The following TMEM167B variants were observed in gnomAD, a reference collection of about 807,000 sequenced individuals.
TMEM167B encodes the protein transmembrane protein 167B.
Under a neutral mutation model 9.4 loss-of-function variants are expected in TMEM167B, and 2 were observed. The ratio of observed to expected loss-of-function variants is 0.21; its 90% CI spans 0.09 to 0.67. TMEM167B has a LOEUF of 0.67. TMEM167B is among the 30% of genes least tolerant of loss of function. TMEM167B has a pLI of 0.82. For missense variants in TMEM167B, 68 were observed against 87.6 expected, an observed-to-expected ratio of 0.78 and a Z score of 0.89; for synonymous variants, 28 against 32.0, an observed-to-expected ratio of 0.87 and a Z score of 0.42.
chr1:109,090,909 G>A (rs1171494882), intron 1 of TMEM167B, 27 bp downstream of exon 1: 2 of 1,581,790 alleles, frequency 1.3e-6, no homozygotes, highest in Non-Finnish European at 1.7e-6. Flanking sequence ...TGAGCGGAGG[G>A]TGGGAGTGAA....
At position 109,090,768 on chromosome 1, in the gene TMEM167B, C is replaced by T; in HGVS notation, c.-105C>T. 1.4e-6 allele frequency: 2 copies of T among 1,429,968 alleles called. No individual in the cohort carries two copies. Among genetic ancestry groups the T allele is most frequent in the Non-Finnish European group, 1.9e-6 (2 of 1,036,402 alleles). 88.6% of individuals were successfully genotyped at this position (1,429,968 alleles called of 1,614,324 possible). On this transcript the variant is annotated 5_prime_UTR_variant, in exon 1 of 3. Transcript: ENST00000338272. Reference sequence around the variant, plus strand: ...TGCTCCTGCGTACTACGGCTTCTTCCAGTCACCTCGGCCCGGATCGGGAAG... The same window carrying T: ...TGCTCCTGCGTACTACGGCTTCTTCTAGTCACCTCGGCCCGGATCGGGAAG...
At chr1:109,090,991 C>T (rs1664435537) in intron 1 of TMEM167B, 109 bp downstream of exon 1, 2 of 1,331,188 alleles carry the variant, frequency 1.5e-6, no homozygotes, top group Middle Eastern at 2.3e-4. Flanking sequence ...CCCAGCCCGG[C>T]CCCCCTTGGC....
chr1:109,093,198 A>C, intron 2 of TMEM167B, 177 bp downstream of exon 2: 2 of 955,536 alleles, frequency 2.1e-6, no homozygotes, highest in South Asian at 3.4e-5. Context: ...GGAAGAGGTA[A>C]AAGTTAAAAT....
At chr1:109,091,742 C>T (rs901114216) in intron 1 of TMEM167B, 2 of 152,126 alleles carry the variant, frequency 1.3e-5, no homozygotes, top group African/African-American at 4.8e-5. Flanking sequence ...AGGGGTAGCA[C>T]GTGAAGGTAT....
At chr1:109,091,350 A>G (rs1056878958) in intron 1 of TMEM167B, among the ~76,000 whole-genome samples, 1 of 152,194 alleles carries the variant, frequency 6.6e-6, no homozygotes, top group African/African-American at 2.4e-5. Flanking sequence ...GCTTCTTCTT[A>G]CGGAAAAATA....
intron 2 of TMEM167B, 183 bp downstream of exon 2, chr1:109,093,204 A>G: frequency 1.1e-6 from 1 of 873,040 alleles, no homozygotes; most frequent in Non-Finnish European, 1.7e-6. Context: ...GGTAAAAGTT[A>G]AAATTTGCTG....
At position 109,092,666 on chromosome 1, in the gene TMEM167B, G is replaced by A. The variant is rs538441335; in HGVS notation, c.11-224G>A. ...AGTTCATTGCAGCCTCGAACTCCTG[G>A]GCTCAATTGATCCCCCTTCCTCCTA... On this transcript the variant is annotated intron_variant, in intron 1 of 2. Coordinates refer to ENST00000338272, the MANE Select transcript of TMEM167B (RefSeq NM_020141.4). Among the ~76,000 whole-genome samples, 83 of 152,130 alleles carry A rather than the reference G, an allele frequency of 5.5e-4. 1 individual carries two copies. Among genetic ancestry groups the A allele is most frequent in the African/African-American group, 1.9e-3 (79 of 41,484 alleles).
chr1:109,093,806 A>T (rs1226893557), intron 2 of TMEM167B: 1 of 152,274 alleles, frequency 6.6e-6, no homozygotes, highest in African/African-American at 2.4e-5. Flanking sequence ...CAAACAGTAT[A>T]TTCACCTAGA....
chr1:109,090,807 C>G lies in TMEM167B; in HGVS notation c.-66C>G. ...CGGATCGGGAAGTGTCAAGCGGGCG[C>G]TCCCCCATCTCCGCCGCTATTACCA... On this transcript the variant is annotated 5_prime_UTR_variant, in exon 1 of 3. Transcript: ENST00000338272. 1 of 1,553,628 alleles carries G rather than the reference C, an allele frequency of 6.4e-7. No homozygotes were observed. The highest frequency in any genetic ancestry group is 8.7e-7 in the Non-Finnish European group (1 of 1,146,840).
In TMEM167B at chr1:109,094,539, A is replaced by G. The variant is rs780021618; in HGVS notation, c.*40A>G. 1.9e-6 allele frequency: 3 copies of G among 1,599,496 alleles called. No individual in the cohort carries two copies. The highest frequency in any genetic ancestry group is 2.6e-6 in the Non-Finnish European group (3 of 1,167,984). On this transcript the variant is annotated 3_prime_UTR_variant, in exon 3 of 3. Transcript: ENST00000338272. ...AAGTCATCAACTGCCAACCAAGGGG[A>G]CGGGGATGAAGAACCTGTTGGAGAC...
rs187312591 is a variant in TMEM167B, at chr1:109,095,478, G to A, written c.*979G>A. On this transcript the variant is annotated 3_prime_UTR_variant, in exon 3 of 3. Transcript: ENST00000338272. ...TTCATCTAGTATAAGAACTTGTGAT[G>A]TTAGATTGAAGTTTTGTCATCTTAT... The A allele has an allele frequency of 1.3e-5, 2 of 152,150 alleles. No homozygotes were observed. The highest frequency in any genetic ancestry group is 4.8e-5 in the African/African-American group (2 of 41,516). The allele number at this position is 152,150 out of a possible 1,614,324, so 9.4% of individuals were successfully genotyped here.
At chr1:109,091,645 G>A (rs918380823) in intron 1 of TMEM167B, 1 of 152,214 alleles carries the variant, frequency 6.6e-6, no homozygotes, top group Non-Finnish European at 1.5e-5. Flanking sequence ...TTTCTCAAAA[G>A]TACTTTGTCC....
Position 109,094,293 on chromosome 1 carries a change from A to T in TMEM167B, c.143-124A>T, listed in dbSNP as rs908217698. The T allele has an allele frequency of 3.1e-6, 3 of 954,582 alleles. No homozygotes were observed. The African/African-American group carries it at 4.9e-5, about 16-fold the overall frequency. The allele number at this position is 954,582 out of a possible 1,614,324, so 59.1% of individuals were successfully genotyped here. On this transcript the variant is annotated intron_variant, in intron 2 of 2. Transcript: ENST00000338272. ...AGACTGCCTCCAAAAATAAAATAAA[A>T]ACATCCCAGGCCCTTGAGAGCGTTG... is the stretch of plus-strand genomic sequence containing the variant.
intron 1 of TMEM167B, among the ~76,000 whole-genome samples, chr1:109,092,029 C>T (rs1664461858): frequency 1.3e-5 from 2 of 152,180 alleles, no homozygotes; most frequent in African/African-American, 2.4e-5. Flanking sequence ...AAATTTTAGT[C>T]ATTCTTCCCC....
At chr1:109,094,310 A>C in intron 2 of TMEM167B, 107 bp from the exon 3 acceptor site, 1 of 1,093,606 alleles carries the variant, frequency 9.1e-7, no homozygotes, top group Non-Finnish European at 1.4e-6. Context: ...CAGGCCCTTG[A>C]GAGCGTTGAT....
intron 2 of TMEM167B, chr1:109,093,616 C>G (rs1664503544): frequency 6.6e-6 from 1 of 152,088 alleles, no homozygotes; most frequent in South Asian, 2.1e-4. Context: ...TTCCTCCCTT[C>G]AGTGGGAAAA....
chr1:109,094,151 G>T (rs375422503), intron 2 of TMEM167B, among the ~76,000 whole-genome samples: 6 of 152,132 alleles, frequency 3.9e-5, no homozygotes, highest in African/African-American at 1.4e-4. Flanking sequence ...ATGGTGGCAG[G>T]CGCCTGTAAT....
chr1:109,094,418 C>T lies in TMEM167B; in HGVS notation c.144C>T (p.Ala48=), dbSNP rs772515072. 5.6e-5 allele frequency: 90 copies of T among 1,613,834 alleles called. No homozygotes were observed. The South Asian group carries it at 6.0e-4, about 11-fold the overall frequency. ...TTTCTTCTCTCTTTTGCCTGCTAGC[C>T]GCTGTGATTGGAACCAGGCTGCATG... is the stretch of plus-strand genomic sequence containing the variant. ...KKGVWGVFYK[A]AVIGTRLHAA... The change falls in exon 3 of 3, where the codon GCC becomes GCT. Residue 48 remains alanine (A), a splice_region_variant and synonymous_variant. Transcript: ENST00000338272.
rs147701090 is a variant in TMEM167B, at chr1:109,091,115, A to T, written c.10+233A>T. Among the ~76,000 whole-genome samples, 94 of 151,944 alleles carry T rather than the reference A, an allele frequency of 6.2e-4. 2 individuals carry two copies. The East Asian group carries it at 0.018, about 29-fold the overall frequency. On this transcript the variant is annotated intron_variant, in intron 1 of 2. Transcript: ENST00000338272. ...CTCACACCTCGAGTTATCTATCCCT[A>T]TGCTTTGCTTTCCCTTTTCTTTTTC...
Sources: gnomAD v4.1 joint callset for allele counts (sites outside exome capture counted in the v4.1 genomes callset) on GRCh38, gnomAD v4.1.1 for gene constraint, MANE v1.5 for transcripts, NCBI Gene and HGNC (gene_info 2026-07-23, HGNC 2026-07-21) for gene names.